TTYH2: variants seen among roughly 807,000 people sequenced by gnomAD.
TTYH2 encodes the protein tweety family member 2.
In TTYH2, 49 loss-of-function variants were observed where a neutral mutation model predicts 68.3. The ratio of observed to expected loss-of-function variants is 0.72; its 90% CI spans 0.57 to 0.91. The LOEUF is 0.91. TTYH2 is among the 40% of genes least tolerant of loss of function. The pLI is 0.00. For synonymous variants in TTYH2, 272 were observed against 300.8 expected, an observed-to-expected ratio of 0.90 and a Z score of 0.99; for missense variants, 631 against 700.4, an observed-to-expected ratio of 0.90 and a Z score of 1.12.
Position 74,214,502 on chromosome 17 carries a change from G to A in TTYH2, c.129+786G>A, listed in dbSNP as rs956436927. The stretch of plus-strand genomic sequence containing the variant: ...TCACACCTTTAAGCCCTGAATTTCT[G>A]GCCTAGGGCAGTCACTCCCGGCTTC... On this transcript the variant is annotated intron_variant, in intron 1 of 13. Transcript: ENST00000269346. This position sits in a 1 kb window ranked among gnomAD's most constrained non-coding sequence, Gnocchi z 4.6. Among the ~76,000 whole-genome samples, 6 of 151,996 alleles carry A rather than the reference G, an allele frequency of 3.9e-5. No homozygotes were observed. The highest frequency in any genetic ancestry group is 1.5e-4 in the African/African-American group (6 of 41,366).
At chr17:74,251,495 G>A (rs1161880263) in intron 10 of TTYH2, among the ~76,000 whole-genome samples, 1 of 152,044 alleles carries the variant, frequency 6.6e-6, no homozygotes, top group East Asian at 1.9e-4. Flanking sequence ...CTAAGAACAT[G>A]GCAGTCACCC....
intron 13 of TTYH2, among the ~76,000 whole-genome samples, chr17:74,255,401 A>AC (rs1359070726): frequency 2.0e-5 from 3 of 151,920 alleles, no homozygotes; most frequent in Admixed American, 6.5e-5. Flanking sequence ...ACTTTCTTCC[A>AC]CCCCACCTTC....
rs2050654993 is a variant in TTYH2 at position 74,253,194 on chromosome 17, G to A, written c.1373G>A (p.Ser458Asn). Residue 458 changes from serine (S) to asparagine (N), a missense_variant, in exon 12 of 14, where the codon AGT becomes AAT. Transcript: ENST00000269346. The part of the protein sequence containing the change: ...GQLHSFCSYS[S>N]GLGSQTSLQP... ...CTTCACAGCTTCTGCAGCTACAGCA[G>A]TGGCCTGGGAAGTCAGACCAGCCTG... The A allele has an allele frequency of 6.2e-7, 1 of 1,613,964 alleles. No individual in the cohort carries two copies. Among genetic ancestry groups the A allele is most frequent in the Non-Finnish European group, 8.5e-7 (1 of 1,179,966 alleles).
chr17:74,248,081 G>A (rs1347980529), intron 6 of TTYH2: 2 of 157,532 alleles, frequency 1.3e-5, no homozygotes, highest in Non-Finnish European at 2.7e-5. Context: ...GGACCCCTGA[G>A]GCAGTGGCTC....
intron 4 of TTYH2, among the ~76,000 whole-genome samples, chr17:74,242,317 G>T (rs2050510054): frequency 6.6e-6 from 1 of 152,180 alleles, no homozygotes; most frequent in Non-Finnish European, 1.5e-5. Flanking sequence ...TCAGAAACGA[G>T]CCCACTCACC....
Position 74,215,546 on chromosome 17 carries a change from C to A in TTYH2, c.129+1830C>A. 1 of 1,312,796 alleles carries A rather than the reference C, an allele frequency of 7.6e-7. No homozygotes were observed. Among genetic ancestry groups the A allele is most frequent in the Admixed American group, 2.1e-5 (1 of 47,222 alleles). 81.3% of individuals were successfully genotyped at this position (1,312,796 alleles called of 1,614,324 possible). ...CATCAAATGGTTCCAGAGGGTGTCC[C>A]TTCCCATCGGCCACTGCTCCTGGGC... On this transcript the variant is annotated intron_variant, in intron 1 of 13. Transcript: ENST00000269346. This position sits in a 1 kb window ranked among gnomAD's most constrained non-coding sequence, Gnocchi z 4.3.
chr17:74,248,804 G>T (rs1381224179), intron 6 of TTYH2: 1 of 1,420,720 alleles, frequency 7.0e-7, no homozygotes, highest in Non-Finnish European at 9.2e-7. Flanking sequence ...GGCAACCGGG[G>T]CACAGGAAGA....
intron 13 of TTYH2, among the ~76,000 whole-genome samples, chr17:74,259,291 C>T (rs894237302): frequency 6.6e-6 from 1 of 152,102 alleles, no homozygotes; most frequent in Non-Finnish European, 1.5e-5. Flanking sequence ...CTTGCTGCAA[C>T]CTCCACCTCT....
rs988062285 is a variant in TTYH2 at position 74,237,195 on chromosome 17, G to A, written c.415-99G>A. 3.1e-5 allele frequency: 37 copies of A among 1,190,052 alleles called. 2 individuals carry two copies. Among genetic ancestry groups the A allele is most frequent in the South Asian group, 2.8e-4 (20 of 71,134 alleles). The allele number at this position is 1,190,052 out of a possible 1,614,324, so 73.7% of individuals were successfully genotyped here. A position where few individuals can be genotyped will look rare whatever the true frequency, so the allele number is the denominator to read the frequency against. On this transcript the variant is annotated intron_variant, in intron 3 of 13. Coordinates refer to ENST00000269346, the MANE Select transcript of TTYH2 (RefSeq NM_032646.6). ...GATGACAGGCATGAGCGTAATTATC[G>A]CACCTGGCCAGGCCACCTTCTGCTG...
intron 6 of TTYH2, 133 bp from the exon 7 acceptor site, chr17:74,248,878 C>A: frequency 6.6e-7 from 1 of 1,513,948 alleles, no homozygotes; most frequent in Non-Finnish European, 8.8e-7. Flanking sequence ...ACCCAGGAGG[C>A]TGGCTCCAGA....
intron 2 of TTYH2, among the ~76,000 whole-genome samples, chr17:74,228,499 A>G (rs1467323592): frequency 6.6e-6 from 1 of 152,270 alleles, no homozygotes; most frequent in Non-Finnish European, 1.5e-5. Flanking sequence ...GACAAGAGTC[A>G]AGATTTGAAA....
rs1192222943 is a variant in TTYH2, at chr17:74,217,122, C to T, written c.129+3406C>T. The stretch of plus-strand genomic sequence containing the variant: ...GTGCCACCATCACCATCCAGCCAGC[C>T]CCTCAGGGGAGACCAGACACTGATG... On this transcript the variant is annotated intron_variant, in intron 1 of 13. Transcript: ENST00000269346. This position sits in a 1 kb window ranked among gnomAD's most constrained non-coding sequence, Gnocchi z 4.0. 6.6e-6 allele frequency among the ~76,000 whole-genome samples: 1 copy of T among 152,194 alleles called. No individual in the cohort carries two copies. Among genetic ancestry groups the T allele is most frequent in the Non-Finnish European group, 1.5e-5 (1 of 68,034 alleles).
chr17:74,252,461 G>C (rs1200749768), intron 11 of TTYH2, 85 bp downstream of exon 11: 1 of 1,493,654 alleles, frequency 6.7e-7, no homozygotes, highest in Admixed American at 2.1e-5. Flanking sequence ...CTACGATTTA[G>C]CTGATAACCC....
In TTYH2 at chr17:74,214,248, G is replaced by A. The variant is rs577731885; in HGVS notation, c.129+532G>A. ...CCTCCCCAGCCCCGGCCTGCAGGGT[G>A]GGAGTCTCAGCTGGAAGGCTGCAGG... On this transcript the variant is annotated intron_variant, in intron 1 of 13. Transcript: ENST00000269346. The surrounding 1 kb of genome is among the most constrained non-coding windows in gnomAD (Gnocchi z 4.6). Among the ~76,000 whole-genome samples, 10 of 152,274 alleles carry A rather than the reference G, an allele frequency of 6.6e-5. No homozygotes were observed. The highest frequency in any genetic ancestry group is 1.3e-4 in the Non-Finnish European group (9 of 68,002).
At chr17:74,249,316 T>C in intron 7 of TTYH2, 28 bp from the exon 8 acceptor site, 1 of 1,614,086 alleles carries the variant, frequency 6.2e-7, no homozygotes, top group Non-Finnish European at 8.5e-7. Context: ...ATTTGTGAGC[T>C]GCCTAACGTT....
chr17:74,224,342 G>C (rs1308879638), intron 2 of TTYH2, among the ~76,000 whole-genome samples: 1 of 152,052 alleles, frequency 6.6e-6, no homozygotes, highest in Non-Finnish European at 1.5e-5. Context: ...AGCCATGATC[G>C]CTCCATCGCA....
In TTYH2 at chr17:74,239,674, G is replaced by A. The variant is rs1453707989; in HGVS notation, c.635+2160G>A. Among the ~76,000 whole-genome samples the A allele has an allele frequency of 6.6e-6, 1 of 152,092 alleles. No homozygotes were observed. The highest frequency in any genetic ancestry group is 1.9e-4 in the East Asian group (1 of 5,184). On this transcript the variant is annotated intron_variant, in intron 4 of 13. Transcript: ENST00000269346. The surrounding 1 kb of genome is among the most constrained non-coding windows in gnomAD (Gnocchi z 5.3). ...CAGCCCGTCCAGTCCCTGCATCTCC[G>A]CCATGTCCTGGATGCTCTGGATTGA...
chr17:74,248,772 A>G, intron 6 of TTYH2: 1 of 1,407,040 alleles, frequency 7.1e-7, no homozygotes, highest in Non-Finnish European at 9.3e-7. Flanking sequence ...GAATAGCATT[A>G]TCATCTCCAT....
chr17:74,248,714 A>C, intron 6 of TTYH2: 1 of 1,310,768 alleles, frequency 7.6e-7, no homozygotes, highest in Non-Finnish European at 9.8e-7. Context: ...GAGTAACAGC[A>C]TGCGCTCTGC....
Sources: gnomAD v4.1 joint callset for allele counts (sites outside exome capture counted in the v4.1 genomes callset) on GRCh38, gnomAD v4.1.1 for gene constraint, Gnocchi (gnomAD v3.1) non-coding constraint, MANE v1.5 for transcripts, NCBI Gene and HGNC (gene_info 2026-07-23, HGNC 2026-07-21) for gene names.